The following TMEM161B variants were observed in gnomAD, a reference collection of about 807,000 sequenced individuals.
The protein encoded by TMEM161B is transmembrane protein 161B.
A neutral mutation model predicts 61.8 loss-of-function variants in TMEM161B; 34 were observed. That is an observed-to-expected ratio of 0.55 (90% CI 0.42 to 0.73). TMEM161B has a LOEUF of 0.73. TMEM161B is among the 30% of genes least tolerant of loss of function. TMEM161B has a pLI of 0.00. For synonymous variants in TMEM161B, 167 were observed against 192.8 expected (o/e 0.87, Z 1.11); for missense variants, 456 against 558.5 (o/e 0.82, Z 1.85).
intron 1 of TMEM161B, among the ~76,000 whole-genome samples, chr5:88,267,165 T>G (rs183914751): frequency 6.6e-6 from 1 of 152,340 alleles, no homozygotes; most frequent in African/African-American, 2.4e-5. Context: ...AAACTACTGT[T>G]ACTTTAGAAA....
chr5:88,200,123 A>G (rs1458339922), intron 9 of TMEM161B: 5 of 151,810 alleles, frequency 3.3e-5, no homozygotes, highest in Non-Finnish European at 7.4e-5. Flanking sequence ...AACTAAAACT[A>G]CAATATAGGA....
At chr5:88,221,622 A>G (rs961881856) in intron 4 of TMEM161B, 77 of 448,270 alleles carry the variant, frequency 1.7e-4, no homozygotes, top group Non-Finnish European at 3.1e-4. Context: ...TTCCATTCTT[A>G]AGAGTTTACA....
chr5:88,244,665 T>C (rs1202671595), intron 1 of TMEM161B, among the ~76,000 whole-genome samples: 1 of 151,472 alleles, frequency 6.6e-6, no homozygotes, highest in Non-Finnish European at 1.5e-5. Context: ...TAGTTTTTTC[T>C]AATTCTGTGA....
At chr5:88,245,283 A>G (rs1165821254) in intron 1 of TMEM161B, among the ~76,000 whole-genome samples, 1 of 151,866 alleles carries the variant, frequency 6.6e-6, no homozygotes, top group Non-Finnish European at 1.5e-5. Context: ...CACATTTCCT[A>G]TCATTTGAAT....
intron 2 of TMEM161B, among the ~76,000 whole-genome samples, chr5:88,238,885 A>G (rs1273181652): frequency 6.6e-6 from 1 of 152,062 alleles, no homozygotes; most frequent in Non-Finnish European, 1.5e-5. Flanking sequence ...AAAACAAAAC[A>G]AAATTGAGAG....
At chr5:88,262,350 C>G (rs1438620944) in intron 1 of TMEM161B, among the ~76,000 whole-genome samples, 2 of 152,100 alleles carry the variant, frequency 1.3e-5, no homozygotes, top group Non-Finnish European at 2.9e-5. Flanking sequence ...TGGAAGACAA[C>G]TTGTGGTTTC....
In TMEM161B at chr5:88,220,777, A is replaced by G. The variant is rs1000653970; in HGVS notation, c.290-58T>C. ...GGTCAAAAAAAACAGTTTCACTTAC[A>G]TTTTCATAAATAACTTATGAGGATT... is the stretch of plus-strand genomic sequence containing the variant. On this transcript the variant is annotated intron_variant, in intron 4 of 11. Coordinates refer to ENST00000296595, the MANE Select transcript of TMEM161B (RefSeq NM_153354.5). The G allele has an allele frequency of 8.7e-6, 13 of 1,488,948 alleles. No homozygotes were observed. The African/African-American group carries it at 1.9e-4, about 22-fold the overall frequency. The allele number at this position is 1,488,948 out of a possible 1,614,324, so 92.2% of individuals were successfully genotyped here.
At chr5:88,241,684 G>A (rs1472368595) in intron 1 of TMEM161B, among the ~76,000 whole-genome samples, 1 of 151,782 alleles carries the variant, frequency 6.6e-6, no homozygotes, top group East Asian at 1.9e-4. Context: ...TCCAGTGAAT[G>A]GGTCTTAATG....
intron 4 of TMEM161B, among the ~76,000 whole-genome samples, chr5:88,225,015 T>C (rs1314914894): frequency 6.9e-6 from 1 of 144,088 alleles, no homozygotes; most frequent in Non-Finnish European, 1.5e-5. Flanking sequence ...TCGCCCAGGC[T>C]GGAGTGCGGT....
rs1161287838 is a variant in TMEM161B at position 88,268,801 on chromosome 5, A to G, written c.-78T>C. 17 of 1,608,996 alleles carry G rather than the reference A, an allele frequency of 1.1e-5. No homozygotes were observed. In the Admixed American group the frequency reaches 2.5e-4, roughly 24 times the overall value. Reference sequence around the variant, plus strand: ...CAAACCTCTTACCTCCCGGTCCTTGAGCCGAGAGACTCTCAAACAGCGAAA... The same window carrying G: ...CAAACCTCTTACCTCCCGGTCCTTGGGCCGAGAGACTCTCAAACAGCGAAA... On this transcript the variant is annotated 5_prime_UTR_variant, in exon 1 of 12. Transcript: ENST00000296595.
At chr5:88,263,758 A>AT (rs1001006027) in intron 1 of TMEM161B, among the ~76,000 whole-genome samples, 3 of 152,066 alleles carry the variant, frequency 2.0e-5, no homozygotes, top group African/African-American at 4.8e-5. Context: ...AAAAGAACCA[A>AT]TTTTTTTTAA....
chr5:88,250,187 G>GAA (rs1754148558), intron 1 of TMEM161B, among the ~76,000 whole-genome samples: 1 of 151,940 alleles, frequency 6.6e-6, no homozygotes, highest in African/African-American at 2.4e-5. Context: ...GAGAGAAAGA[G>GAA]AGAGAAAGAG....
chr5:88,208,232 C>T (rs1745928673), intron 5 of TMEM161B, among the ~76,000 whole-genome samples: 2 of 152,120 alleles, frequency 1.3e-5, no homozygotes, highest in Non-Finnish European at 2.9e-5. Context: ...GCCTGTGATC[C>T]CAGCACCTTG....
Position 88,228,518 on chromosome 5 carries a change from A to G in TMEM161B, c.118T>C (p.Tyr40His). 6.3e-7 allele frequency: 1 copy of G among 1,597,768 alleles called. No homozygotes were observed. The highest frequency in any genetic ancestry group is 8.5e-7 in the Non-Finnish European group (1 of 1,175,210). The change falls in exon 3 of 12, where the codon TAT becomes CAT. Residue 40 changes from tyrosine to histidine, a missense_variant. This residue lies in a region of TMEM161B where 85 missense variants were observed against 111.2 expected (regional missense o/e 0.76). Coordinates refer to ENST00000296595, the MANE Select transcript of TMEM161B (RefSeq NM_153354.5). The stretch of plus-strand genomic sequence containing the variant: ...AATTCTTCTTCTGTAGGATGTTGAT[A>G]CCACCTCAAACTAAGCAAAAAAAGA... ...WLLCNGSLRW[Y>H]QHPTEEELRI... is the part of the protein sequence containing the mutation.
chr5:88,258,422 G>A (rs1561427747), intron 1 of TMEM161B, among the ~76,000 whole-genome samples: 1 of 152,082 alleles, frequency 6.6e-6, no homozygotes, highest in Non-Finnish European at 1.5e-5. Flanking sequence ...GGAGGAAGGA[G>A]TAAGTATGCA....
At chr5:88,190,896 C>T (rs1020294310), downstream of TMEM161B, among the ~76,000 whole-genome samples, 1 of 152,098 alleles carries the variant, frequency 6.6e-6, no homozygotes. Flanking sequence ...TTACAGTGTA[C>T]ATTATTCTTT....
chr5:88,242,227 T>G (rs1752864139), intron 1 of TMEM161B, among the ~76,000 whole-genome samples: 1 of 151,750 alleles, frequency 6.6e-6, no homozygotes, highest in Non-Finnish European at 1.5e-5. Context: ...CCACACAGTA[T>G]CCATCTGATT....
chr5:88,218,141 C>G (rs902780868), intron 5 of TMEM161B, among the ~76,000 whole-genome samples: 10 of 151,954 alleles, frequency 6.6e-5, no homozygotes, highest in Admixed American at 5.9e-4. Flanking sequence ...AAACATATTT[C>G]TTTCAAGCAT....
chr5:88,260,960 G>T (rs1227215097), intron 1 of TMEM161B, among the ~76,000 whole-genome samples: 3 of 152,136 alleles, frequency 2.0e-5, no homozygotes, highest in Non-Finnish European at 4.4e-5. Flanking sequence ...ATAATTAAAA[G>T]ATGTGAACAT....
Sources: gnomAD v4.1 joint callset for allele counts (sites outside exome capture counted in the v4.1 genomes callset) on GRCh38, gnomAD v4.1.1 for gene constraint, gnomAD v4.1.1 regional missense constraint, MANE v1.5 for transcripts, NCBI Gene and HGNC (gene_info 2026-07-23, HGNC 2026-07-21) for gene names.